MICALL2: variants seen among roughly 807,000 people sequenced by gnomAD.
MICALL2 encodes MICAL like 2, also known as MICAL-like protein 2.
In MICALL2, 111 loss-of-function variants were observed where a neutral mutation model predicts 91.1. The observed-to-expected ratio is 1.22, with a 90% CI of 1.04 to 1.43. MICALL2 has a LOEUF of 1.43. MICALL2 is among the 40% of genes most tolerant of loss of function. MICALL2 has a pLI of 0.00. For synonymous variants in MICALL2, 694 were observed against 525.3 expected (o/e 1.32, Z -4.39); for missense variants, 1,556 against 1,236.0 (o/e 1.26, Z -3.88).
Position 1,444,678 on chromosome 7 carries a change from T to C in MICALL2, c.1392A>G (p.Glu464=). Residue 464 remains glutamate, a synonymous_variant, in exon 6 of 17, where the codon GAA becomes GAG. Coordinates refer to ENST00000297508, the MANE Select transcript of MICALL2 (RefSeq NM_182924.4). ...NFLKQALSAL[E]EAGAPAPGRP... ...TGCCAGGCGCCGGAGCGCCAGCCTC[T>C]TCCAGCGCTGAGAGGGCCTGCTTGA... The C allele has an allele frequency of 6.2e-7, 1 of 1,611,784 alleles. No homozygotes were observed.
intron 1 of MICALL2, 174 bp from the exon 2 acceptor site, chr7:1,450,462 C>T: frequency 6.4e-6 from 4 of 624,034 alleles, no homozygotes; most frequent in Non-Finnish European, 1.2e-5. Flanking sequence ...CCCGGCCCTG[C>T]TCCGGCCACG....
chr7:1,446,635 TG>T, intron 5 of MICALL2, 77 bp downstream of exon 5: 2 of 874,892 alleles, frequency 2.3e-6, no homozygotes, highest in Non-Finnish European at 3.3e-6. Context: ...GGAGGCCGGG[TG>T]GGAGGCGATG....
In MICALL2 at chr7:1,448,622, G is replaced by A; in HGVS notation, c.332C>T (p.Pro111Leu). ...QYYNYFHGRS[P>L]IGGMAGVKRA... The stretch of plus-strand genomic sequence containing the variant: ...CGGCGGGCGCGGCAGGGACTCACTG[G>A]GGGAGCGGCCGTGGAAGTAGTTGTA... The change falls in exon 3 of 17, where the codon CCC (proline) becomes CTC (leucine). Residue 111 changes from proline (P) to leucine (L), a missense_variant and splice_region_variant. Pro to Leu is a moderately conservative substitution (Grantham distance 98, BLOSUM62 -3). Coordinates refer to ENST00000297508, the MANE Select transcript of MICALL2 (RefSeq NM_182924.4). 1 of 1,612,578 alleles carries A rather than the reference G, an allele frequency of 6.2e-7. No individual in the cohort carries two copies. The highest frequency in any genetic ancestry group is 2.2e-5 in the East Asian group (1 of 44,858).
In MICALL2 at chr7:1,442,298, G is replaced by T. The variant is rs150130599; in HGVS notation, c.1605C>A (p.Gly535=). 187 of 1,613,100 alleles carry T rather than the reference G, an allele frequency of 1.2e-4. 1 individual carries two copies. The highest frequency in any genetic ancestry group is 7.7e-4 in the African/African-American group (58 of 75,060). ...CTGAGGATTCCGCCAAGTTCCTCCT[G>T]CCTGCCGGGGGCAACGCGGATGCCT... The part of the protein sequence containing the change: ...TSQASALPPA[G]RRNLAESSGV... Residue 535 remains glycine, a synonymous_variant, in exon 7 of 17, where the codon GGC becomes GGA. Coordinates refer to ENST00000297508, the MANE Select transcript of MICALL2 (RefSeq NM_182924.4).
chr7:1,434,981 ACCC>A, intron 16 of MICALL2, 117 bp downstream of exon 16: 56 of 372,218 alleles, frequency 1.5e-4, no homozygotes, highest in Non-Finnish European at 1.8e-4. Context: ...GGGACCCGAT[ACCC>A]GCCCCCCCCC....
In MICALL2 at chr7:1,447,721, C is replaced by T. The variant is rs769852973; in HGVS notation, c.379G>A (p.Glu127Lys). ...GGAGCCTTCTTCCCTGACGGCTCCT[C>T]CTCAGAGTCCTCCGAGGCCCTCTTC... ...GVKRASEDSE[E>K]EPSGKKAPVQ... The change falls in exon 4 of 17, where the codon GAG becomes AAG. Residue 127 changes from glutamate to lysine, a missense_variant. Transcript: ENST00000297508. 20 of 1,573,612 alleles carry T rather than the reference C, an allele frequency of 1.3e-5. No homozygotes were observed. Among genetic ancestry groups the T allele is most frequent in the Non-Finnish European group, 1.6e-5 (19 of 1,160,424 alleles).
At chr7:1,436,996 A>G (rs1584194767) in intron 14 of MICALL2, 140 bp from the exon 15 acceptor site, 1 of 571,746 alleles carries the variant, frequency 1.7e-6, no homozygotes, top group East Asian at 3.3e-5. Flanking sequence ...GAGCAGAATG[A>G]ATGAGTGAAT....
intron 16 of MICALL2, 163 bp from the exon 17 acceptor site, chr7:1,434,835 G>A (rs1014321921): frequency 2.5e-6 from 2 of 790,688 alleles, no homozygotes; most frequent in East Asian, 2.7e-5. Context: ...GTGAGAACCT[G>A]CCCCGACTGG....
Position 1,434,373 on chromosome 7 carries a change from G to A in MICALL2, c.*223C>T, listed in dbSNP as rs1360308307. ...GCACGTAGGAGTCCGGGGCCATGTG[G>A]TCGGTTTCTTTATTGAGACCACAGA... On this transcript the variant is annotated 3_prime_UTR_variant, in exon 17 of 17. Coordinates refer to ENST00000297508, the MANE Select transcript of MICALL2 (RefSeq NM_182924.4). 1.4e-5 allele frequency: 9 copies of A among 665,692 alleles called. No individual in the cohort carries two copies. The highest frequency in any genetic ancestry group is 1.9e-5 in the Non-Finnish European group (7 of 361,516). 41.2% of individuals were successfully genotyped at this position (665,692 alleles called of 1,614,324 possible).
chr7:1,436,365 G>A (rs1366095809), intron 15 of MICALL2, among the ~76,000 whole-genome samples: 1 of 145,078 alleles, frequency 6.9e-6, no homozygotes, highest in Non-Finnish European at 1.5e-5. Context: ...CTGGGCAACA[G>A]GAGGGAAACT....
rs888974673 is a variant in MICALL2 at position 1,437,881 on chromosome 7, G to A, written c.2402+9C>T. ...GCCTTCGAGGAGGGGCCCACGGCTG[G>A]GCTCTCACTTGTACATCAGCTCTGA... is the stretch of plus-strand genomic sequence containing the variant. On this transcript the variant is annotated intron_variant, in intron 13 of 16. Coordinates refer to ENST00000297508, the MANE Select transcript of MICALL2 (RefSeq NM_182924.4). The A allele has an allele frequency of 1.3e-6, 2 of 1,548,278 alleles. No individual in the cohort carries two copies. The highest frequency in any genetic ancestry group is 1.7e-6 in the Non-Finnish European group (2 of 1,146,350).
Position 1,444,826 on chromosome 7 carries a change from T to C in MICALL2, c.1244A>G (p.Gln415Arg). 6.2e-7 allele frequency: 1 copy of C among 1,610,074 alleles called. No individual in the cohort carries two copies. The highest frequency in any genetic ancestry group is 8.5e-7 in the Non-Finnish European group (1 of 1,178,948). Reference protein sequence around the residue: ...AWTPSASRTQQARNKFFQTSA... With the variant: ...AWTPSASRTQRARNKFFQTSA... Reference sequence around the variant, plus strand: ...TGTTTGGAAAAACTTATTCCGGGCCTGCTGGGTCCTGGAGGCGGACGGGGT... The same window carrying C: ...TGTTTGGAAAAACTTATTCCGGGCCCGCTGGGTCCTGGAGGCGGACGGGGT... The change falls in exon 6 of 17, where the codon CAG (glutamine) becomes CGG (arginine). Residue 415 changes from glutamine to arginine, a missense_variant. By Grantham distance (43) the Gln-to-Arg change is conservative. Coordinates refer to ENST00000297508, the MANE Select transcript of MICALL2 (RefSeq NM_182924.4).
At position 1,452,983 on chromosome 7, in the gene MICALL2, C is replaced by T. The variant is rs1404787964; in HGVS notation, c.144-2695G>A. ...TTTCCCACACTCCGCCCGATGCACC[C>T]GCCAGGCCCTCCCCAGATGCACCTT... On this transcript the variant is annotated intron_variant, in intron 1 of 16. Transcript: ENST00000297508. The surrounding 1 kb of genome is among the most constrained non-coding windows in gnomAD (Gnocchi z 6.2). Among the ~76,000 whole-genome samples, 3 of 151,960 alleles carry T rather than the reference C, an allele frequency of 2.0e-5. No homozygotes were observed. Among genetic ancestry groups the T allele is most frequent in the South Asian group, 2.1e-4 (1 of 4,814 alleles).
chr7:1,448,000 G>T (rs1306298543), intron 3 of MICALL2: 1 of 311,388 alleles, frequency 3.2e-6, no homozygotes, highest in Middle Eastern at 8.9e-4. Context: ...GGACTTTTCT[G>T]TTTCTCCAGC....
In MICALL2 at chr7:1,448,834, C is replaced by A; in HGVS notation, c.193-73G>T. Reference sequence around the variant, plus strand: ...TTCTCCACCAGGCCGCAGCTCACCTCGACTCAAAGACACAGTCTTGGAGCC... The same window carrying A: ...TTCTCCACCAGGCCGCAGCTCACCTAGACTCAAAGACACAGTCTTGGAGCC... On this transcript the variant is annotated intron_variant, in intron 2 of 16. Transcript: ENST00000297508. 3.2e-6 allele frequency: 5 copies of A among 1,568,398 alleles called. No homozygotes were observed. The South Asian group carries it at 5.6e-5, about 18-fold the overall frequency.
chr7:1,443,408 G>A (rs568862718), intron 6 of MICALL2, among the ~76,000 whole-genome samples: 9 of 152,224 alleles, frequency 5.9e-5, no homozygotes, highest in East Asian at 1.9e-4. Flanking sequence ...CCCACGATAC[G>A]GGGCAGGAAA....
chr7:1,436,706 C>A, intron 15 of MICALL2, 36 bp downstream of exon 15: 2 of 1,543,166 alleles, frequency 1.3e-6, no homozygotes, highest in Non-Finnish European at 1.8e-6. Flanking sequence ...GGCGACCTGG[C>A]CTGGCTGGGA....
intron 8 of MICALL2, chr7:1,440,301 G>A (rs969640833): frequency 1.8e-5 from 12 of 653,848 alleles, no homozygotes; most frequent in African/African-American, 3.7e-5. Context: ...TTCCAGGCGT[G>A]AGCTCCGGGC....
At chr7:1,457,047 G>A (rs967861548) in intron 1 of MICALL2, among the ~76,000 whole-genome samples, 1 of 152,170 alleles carries the variant, frequency 6.6e-6, no homozygotes, top group Non-Finnish European at 1.5e-5. Context: ...GCCTAAGGAG[G>A]TTCTCGGGGA....
Sources: gnomAD v4.1 joint callset for allele counts (sites outside exome capture counted in the v4.1 genomes callset) on GRCh38, gnomAD v4.1.1 for gene constraint, Gnocchi (gnomAD v3.1) non-coding constraint, MANE v1.5 for transcripts, NCBI Gene and HGNC (gene_info 2026-07-23, HGNC 2026-07-21) for gene names.